The following MMUT variants were observed in gnomAD, a reference collection of about 807,000 sequenced individuals.
The protein encoded by MMUT is methylmalonyl-CoA mutase, mitochondrial.
A neutral mutation model predicts 79.9 loss-of-function variants in MMUT; 79 were observed. The observed-to-expected ratio is 0.99, with a 90% CI of 0.82 to 1.19. MMUT has a LOEUF of 1.19. Ranked by LOEUF, MMUT falls within the 50% of genes most tolerant of loss-of-function variation. The pLI is 0.00. For missense variants in MMUT, 860 were observed against 917.2 expected (o/e 0.94, Z 0.81); for synonymous variants, 273 against 295.7 (o/e 0.92, Z 0.79).
chr6:49,433,527 G>T (rs1681454279), intron 12 of MMUT, among the ~76,000 whole-genome samples: 1 of 152,108 alleles, frequency 6.6e-6, no homozygotes, highest in South Asian at 2.1e-4. Flanking sequence ...CACTTAGCTG[G>T]GCCAGGGATA....
At chr6:49,450,229 T>TA (rs771420446) in intron 6 of MMUT, among the ~76,000 whole-genome samples, 2,327 of 124,696 alleles carry the variant, frequency 0.019, 44 homozygotes, top group African/African-American at 0.051. Context: ...GACTCTGTCT[T>TA]AAAAAAAAAA....
rs140775584 is a variant in MMUT, at chr6:49,453,632, G to T, written c.1036C>A (p.Leu346Ile). 2 of 1,612,620 alleles carry T rather than the reference G, an allele frequency of 1.2e-6. No homozygotes were observed. Among genetic ancestry groups the T allele is most frequent in the African/African-American group, 2.7e-5 (2 of 74,848 alleles). The change falls in exon 5 of 13, where the codon CTT (leucine) becomes ATT (isoleucine). Residue 346 changes from leucine to isoleucine, a missense_variant. Leu to Ile is a conservative substitution (Grantham distance 5, BLOSUM62 2). Coordinates refer to ENST00000274813, the MANE Select transcript of MMUT (RefSeq NM_000255.4). ...MFQPKNSKSL[L>I]LRAHCQTSGW... ...GATGTCTGACAGTGTGCTCTTAGAAGAAGAGATTTTGAGTTTTTAGGCTGA... is the reference window on the plus strand; with the variant it reads ...GATGTCTGACAGTGTGCTCTTAGAATAAGAGATTTTGAGTTTTTAGGCTGA...
In MMUT at chr6:49,459,479, A is replaced by G. The variant is rs483352784; in HGVS notation, c.-13T>C. On this transcript the variant is annotated 5_prime_UTR_variant, in exon 2 of 13. Coordinates refer to ENST00000274813, the MANE Select transcript of MMUT (RefSeq NM_000255.4). ...TAGCTCTTAACATGGTGGAGCATGG[A>G]AACACCCAATAGAAATAAGAACTGA... 1.2e-6 allele frequency: 2 copies of G among 1,608,214 alleles called. No homozygotes were observed. Among genetic ancestry groups the G allele is most frequent in the South Asian group, 1.1e-5 (1 of 90,978 alleles).
At chr6:49,439,818 T>C (rs546356843) in intron 11 of MMUT, among the ~76,000 whole-genome samples, 199 of 152,350 alleles carry the variant, frequency 1.3e-3, no homozygotes, top group African/African-American at 4.7e-3. Context: ...TGCAACTGTC[T>C]CACCAATAAG....
chr6:49,433,994 T>A (rs1767056050), intron 12 of MMUT, among the ~76,000 whole-genome samples: 1 of 152,336 alleles, frequency 6.6e-6, no homozygotes, highest in Non-Finnish European at 1.5e-5. Flanking sequence ...AGAGAATTAA[T>A]ACAACTTATT....
Position 49,435,607 on chromosome 6 carries a change from G to C in MMUT, c.1973C>G (p.Ala658Gly), listed in dbSNP as rs1271774402. The change falls in exon 12 of 13, where the codon GCC becomes GGC. Residue 658 changes from alanine (A) to glycine (G), a missense_variant. By Grantham distance (60) the Ala-to-Gly change is moderately conservative. Coordinates refer to ENST00000274813, the MANE Select transcript of MMUT (RefSeq NM_000255.4). ...CACATCCGCATCCACAGCCTGCTGG[G>C]CCACTTCACGAGGAGTCTAAACAGT... is the stretch of plus-strand genomic sequence containing the variant. Reference protein sequence around the residue: ...GPLFQTPREVAQQAVDADVHA... With the variant: ...GPLFQTPREVGQQAVDADVHA... 6.2e-7 allele frequency: 1 copy of C among 1,613,722 alleles called. No individual in the cohort carries two copies. Among genetic ancestry groups the C allele is most frequent in the South Asian group, 1.1e-5 (1 of 91,014 alleles).
intron 11 of MMUT, among the ~76,000 whole-genome samples, 191 bp from the exon 12 acceptor site, chr6:49,435,814 T>C (rs1467981697): frequency 6.6e-6 from 1 of 152,190 alleles, no homozygotes; most frequent in Non-Finnish European, 1.5e-5. Context: ...AAAAAGCATC[T>C]GCACTGAAAA....
Position 49,453,719 on chromosome 6 carries a change from T to C in MMUT, c.949A>G (p.Met317Val), listed in dbSNP as rs769047571. 1.8e-5 allele frequency: 29 copies of C among 1,613,192 alleles called. No homozygotes were observed. Among genetic ancestry groups the C allele is most frequent in the Non-Finnish European group, 2.4e-5 (28 of 1,179,560 alleles). The change falls in exon 5 of 13, where the codon ATG (methionine) becomes GTG (valine). Residue 317 changes from methionine (M) to valine (V), a missense_variant. Coordinates refer to ENST00000274813, the MANE Select transcript of MMUT (RefSeq NM_000255.4). ...FFWGIGMNFYMEIAKMRAGRR... is the reference protein window; with the variant it reads ...FFWGIGMNFYVEIAKMRAGRR... ...CCAGCTCTCATCTTTGCTATTTCCA[T>C]ATAGAAATTCATTCCAATTCCCCAG...
chr6:49,433,612 G>C (rs925246014), intron 12 of MMUT, among the ~76,000 whole-genome samples: 1 of 152,172 alleles, frequency 6.6e-6, no homozygotes, highest in Non-Finnish European at 1.5e-5. Flanking sequence ...GGAGGCGACT[G>C]CTGCTAAGAG....
intron 12 of MMUT, among the ~76,000 whole-genome samples, chr6:49,433,273 G>C (rs1028100678): frequency 6.6e-6 from 1 of 152,168 alleles, no homozygotes; most frequent in Non-Finnish European, 1.5e-5. Flanking sequence ...AAAATCCCAT[G>C]TACCATTTGT....
At chr6:49,444,358 A>G (rs991426471) in intron 9 of MMUT, among the ~76,000 whole-genome samples, 48 of 152,298 alleles carry the variant, frequency 3.2e-4, no homozygotes, top group South Asian at 2.1e-3. Flanking sequence ...TTGAGAGTCC[A>G]ACACATTTCA....
rs770978452 is a variant in MMUT at position 49,440,334 on chromosome 6, G to A, written c.1828C>T (p.Arg610Cys). The change falls in exon 11 of 13, where the codon CGT becomes TGT. Residue 610 changes from arginine (R) to cysteine (C), a missense_variant. Arg to Cys is a radical substitution (Grantham distance 180, BLOSUM62 -3). Transcript: ENST00000274813. Reference sequence around the variant, plus strand: ...AGAAGACGAGGTCTGCGACCTTCACGTTCCATGAATTTATGAACCCTGAAA... The same window carrying A: ...AGAAGACGAGGTCTGCGACCTTCACATTCCATGAATTTATGAACCCTGAAA... Reference protein sequence around the residue: ...AIKRVHKFMEREGRRPRLLVA... With the variant: ...AIKRVHKFMECEGRRPRLLVA... 9.3e-6 allele frequency: 15 copies of A among 1,613,832 alleles called. No homozygotes were observed. The highest frequency in any genetic ancestry group is 2.2e-5 in the East Asian group (1 of 44,868).
Position 49,430,453 on chromosome 6 carries a change from G to A in MMUT, c.*1275C>T, listed in dbSNP as rs1445185521. The A allele has an allele frequency of 2.0e-5, 3 of 152,100 alleles. No individual in the cohort carries two copies. Among genetic ancestry groups the A allele is most frequent in the Non-Finnish European group, 4.4e-5 (3 of 68,036 alleles). 9.4% of individuals were successfully genotyped at this position (152,100 alleles called of 1,614,324 possible). A position where few individuals can be genotyped will look rare whatever the true frequency, so the allele number is the denominator to read the frequency against. On this transcript the variant is annotated 3_prime_UTR_variant, in exon 13 of 13. Coordinates refer to ENST00000274813, the MANE Select transcript of MMUT (RefSeq NM_000255.4). ...AATACTTACTAAATTAGTGTGCATTGCTTTACAAGGAAAAGTCAATAAAAT... is the reference window on the plus strand; with the variant it reads ...AATACTTACTAAATTAGTGTGCATTACTTTACAAGGAAAAGTCAATAAAAT...
At chr6:49,434,733 T>C (rs1224704686) in intron 12 of MMUT, among the ~76,000 whole-genome samples, 1 of 152,170 alleles carries the variant, frequency 6.6e-6, no homozygotes, top group African/African-American at 2.4e-5. Flanking sequence ...ACTGATATCA[T>C]TGTAGGTAAC....
rs2127420085 is a variant in MMUT at position 49,458,065 on chromosome 6, A to G, written c.386-7T>C. 1 of 1,599,438 alleles carries G rather than the reference A, an allele frequency of 6.3e-7. No individual in the cohort carries two copies. Among genetic ancestry groups the G allele is most frequent in the Non-Finnish European group, 8.5e-7 (1 of 1,179,482 alleles). On this transcript the variant is annotated splice_region_variant and splice_polypyrimidine_tract_variant and intron_variant, in intron 2 of 12. Transcript: ENST00000274813. ...GATAATCCCTGCTGACCAGCTAAAT[A>G]TATAAAGAAAAATAATGTAAGATTC...
chr6:49,457,591 A>G lies in MMUT; in HGVS notation c.753+100T>C. 7.8e-6 allele frequency: 8 copies of G among 1,021,176 alleles called. No homozygotes were observed. In the South Asian group the frequency reaches 1.3e-4, roughly 16 times the overall value. 63.3% of individuals were successfully genotyped at this position (1,021,176 alleles called of 1,614,324 possible). A position where few individuals can be genotyped will look rare whatever the true frequency, so the allele number is the denominator to read the frequency against. ...AACAATAACAAAACATTCTAAATTT[A>G]TATTACTCAGACTAAATTTTTAAAT... On this transcript the variant is annotated intron_variant, in intron 3 of 12. Coordinates refer to ENST00000274813, the MANE Select transcript of MMUT (RefSeq NM_000255.4).
At chr6:49,455,147 T>C (rs968407363) in intron 4 of MMUT, among the ~76,000 whole-genome samples, 1 of 151,782 alleles carries the variant, frequency 6.6e-6, no homozygotes, top group African/African-American at 2.4e-5. Context: ...TATATATATA[T>C]AATAAAAGCA....
At position 49,451,438 on chromosome 6, in the gene MMUT, A is replaced by G. The variant is rs768577030; in HGVS notation, c.1332+28T>C. The G allele has an allele frequency of 1.7e-5, 27 of 1,611,536 alleles. No individual in the cohort carries two copies. The Middle Eastern group carries it at 6.6e-4, about 39-fold the overall frequency. ...TCTTTACAAATCTGTAAATTCTGAA[A>G]ACAAAGTTGCAAAGTGGAAAAACTT... is the stretch of plus-strand genomic sequence containing the variant. On this transcript the variant is annotated intron_variant, in intron 6 of 12. Transcript: ENST00000274813.
chr6:49,435,757 G>C lies in MMUT; in HGVS notation c.1957-134C>G, dbSNP rs995675795. On this transcript the variant is annotated intron_variant, in intron 11 of 12. Coordinates refer to ENST00000274813, the MANE Select transcript of MMUT (RefSeq NM_000255.4). ...AGACTTCATGATGAAGATGCCAAAA[G>C]CAATTACAACAAAAGCAAAAATTGA... 1.0e-5 allele frequency: 10 copies of C among 956,984 alleles called. No individual in the cohort carries two copies. The African/African-American group carries it at 1.7e-4, about 16-fold the overall frequency. 59.3% of individuals were successfully genotyped at this position (956,984 alleles called of 1,614,324 possible).
Sources: allele counts gnomAD v4.1 joint callset (sites outside exome capture counted in the v4.1 genomes callset), GRCh38; gene constraint gnomAD v4.1.1; transcripts MANE v1.5; gene names NCBI Gene and HGNC (gene_info 2026-07-23, HGNC 2026-07-21).